Variants in AGAP2 observed in about 807,000 individuals in gnomAD.
AGAP2 encodes arf-GAP with GTPase, ANK repeat and PH domain-containing protein 2.
AGAP2 carries 32 observed loss-of-function variants against 110.9 expected under a neutral mutation model. That is an observed-to-expected ratio of 0.29 (90% confidence interval 0.22 to 0.39). The LOEUF is 0.39. Ranked by LOEUF, AGAP2 falls within the 10% of genes least tolerant of loss-of-function variation. The pLI is 1.00. For missense variants in AGAP2, 1,285 were observed against 1,638.5 expected (o/e 0.78, Z 3.72); for synonymous variants, 702 against 713.0 (o/e 0.98, Z 0.25).
Position 57,725,307 on chromosome 12 carries a change from T to C in AGAP2, c.*1245A>G, listed in dbSNP as rs1954742094. ...CCCCCACCTCTCTCCCCTCCCCAAT[T>C]ACCTGGTCCTTTGCAAACTATTTTA... On this transcript the variant is annotated 3_prime_UTR_variant, in exon 19 of 19. Transcript: ENST00000547588. 7.4e-6 allele frequency: 1 copy of C among 134,230 alleles called. No homozygotes were observed. The allele number at this position is 134,230 out of a possible 1,614,324, so 8.3% of individuals were successfully genotyped here. A position where few individuals can be genotyped will look rare whatever the true frequency, so the allele number is the denominator to read the frequency against.
At chr12:57,729,183 A>AAAAAAAAAAAGAAAAG (rs914507084) in intron 13 of AGAP2, among the ~76,000 whole-genome samples, 1 of 151,142 alleles carries the variant, frequency 6.6e-6, no homozygotes. Context: ...CTCAAAAAAA[A>AAAAAAAAAAAGAAAAG]AAAAAAAAAA....
At chr12:57,734,710 G>A (rs1276610941) in intron 2 of AGAP2, 31 bp from the exon 3 acceptor site, 2 of 1,607,580 alleles carry the variant, frequency 1.2e-6, no homozygotes, top group Non-Finnish European at 1.7e-6. Context: ...CAGAAATTGT[G>A]GGATATAAGA....
At position 57,738,510 on chromosome 12, in the gene AGAP2, C is replaced by T. The variant is rs904752080; in HGVS notation, c.-264G>A. Among the ~76,000 whole-genome samples, 1 of 151,854 alleles carries T rather than the reference C, an allele frequency of 6.6e-6. No individual in the cohort carries two copies. Among genetic ancestry groups the T allele is most frequent in the African/African-American group, 2.4e-5 (1 of 41,378 alleles). Reference sequence around the variant, plus strand: ...ACCTTGGTGCTGCTCCAGGGAGGCGCGCCGGACCGTCCACCCCGGCCTGGG... The same window carrying T: ...ACCTTGGTGCTGCTCCAGGGAGGCGTGCCGGACCGTCCACCCCGGCCTGGG... On this transcript the variant is annotated 5_prime_UTR_variant, in exon 1 of 19. Coordinates refer to ENST00000547588, the MANE Select transcript of AGAP2 (RefSeq NM_001122772.3). This position sits in a 1 kb window ranked among gnomAD's most constrained non-coding sequence, Gnocchi z 6.7.
downstream of AGAP2, chr12:57,724,172 C>T (rs1193591938): frequency 2.0e-5 from 3 of 152,270 alleles, no homozygotes; most frequent in Non-Finnish European, 4.4e-5. Flanking sequence ...GAGCCGCAGC[C>T]TCCATGTGAA....
intron 11 of AGAP2, 70 bp downstream of exon 11, chr12:57,730,721 C>G (rs1954869079): frequency 6.2e-7 from 1 of 1,609,474 alleles, no homozygotes; most frequent in Admixed American, 1.7e-5. Flanking sequence ...CCAGCCCCCT[C>G]TTCCCTCTTA....
Position 57,727,480 on chromosome 12 carries a change from T to A in AGAP2, c.2960A>T (p.Asp987Val). Residue 987 changes from aspartate (D) to valine (V), a missense_variant, in exon 17 of 19, where the codon GAC becomes GTC. Asp to Val is a radical substitution (Grantham distance 152). Coordinates refer to ENST00000547588, the MANE Select transcript of AGAP2 (RefSeq NM_001122772.3). ...CAGCTCCCGTGGCCAGTCGTCCAAG[T>A]CCAGCGAGCGAACGCGGGACAGGTG... ...GTHLSRVRSL[D>V]LDDWPRELTL... is the part of the protein sequence containing the mutation. The A allele has an allele frequency of 6.2e-7, 1 of 1,609,968 alleles. No individual in the cohort carries two copies. The highest frequency in any genetic ancestry group is 8.5e-7 in the Non-Finnish European group (1 of 1,178,584).
In AGAP2 at chr12:57,729,189, A is replaced by G. The variant is rs535482234; in HGVS notation, c.2557+450T>C. ...AGACTCCATCTCAAAAAAAAAAAAA[A>G]AAAAGAAAAGAAAAAAAAAAGAAAG... On this transcript the variant is annotated intron_variant, in intron 13 of 18. Coordinates refer to ENST00000547588, the MANE Select transcript of AGAP2 (RefSeq NM_001122772.3). Among the ~76,000 whole-genome samples the G allele has an allele frequency of 2.0e-3, 309 of 151,242 alleles. 1 individual carries two copies. Among genetic ancestry groups the G allele is most frequent in the African/African-American group, 6.8e-3 (282 of 41,346 alleles).
upstream of AGAP2, among the ~76,000 whole-genome samples, chr12:57,739,377 C>G (rs1250429977): frequency 6.6e-6 from 1 of 152,170 alleles, no homozygotes; most frequent in East Asian, 1.9e-4. Flanking sequence ...TTCCCACTCA[C>G]ACCACCACAT....
In AGAP2 at chr12:57,738,339, C is replaced by T; in HGVS notation, c.-93G>A. On this transcript the variant is annotated 5_prime_UTR_variant, in exon 1 of 19. An upstream open reading frame in the 5' UTR gains an earlier in-frame stop. Coordinates refer to ENST00000547588, the MANE Select transcript of AGAP2 (RefSeq NM_001122772.3). This position sits in a 1 kb window ranked among gnomAD's most constrained non-coding sequence, Gnocchi z 6.7. ...CATGGGGCCGCCCTGCTCGCTGCCC[C>T]CAGCCCCCGGACCCCGCTGAGCCCC... The T allele has an allele frequency of 1.5e-6, 2 of 1,312,126 alleles. No homozygotes were observed. Among genetic ancestry groups the T allele is most frequent in the Non-Finnish European group, 1.9e-6 (2 of 1,032,460 alleles). 81.3% of individuals were successfully genotyped at this position (1,312,126 alleles called of 1,614,324 possible).
rs1222122479 is a variant in AGAP2 at position 57,738,385 on chromosome 12, C to T, written c.-139G>A. 4.8e-6 allele frequency: 5 copies of T among 1,042,412 alleles called. No individual in the cohort carries two copies. The highest frequency in any genetic ancestry group is 4.9e-6 in the Non-Finnish European group (4 of 823,538). The allele number at this position is 1,042,412 out of a possible 1,614,324, so 64.6% of individuals were successfully genotyped here. A position where few individuals can be genotyped will look rare whatever the true frequency, so the allele number is the denominator to read the frequency against. ...GCCCCCGGCCCGGCTCCGCTGTCGCCGCCGCCTCCGCCGCCTCCGCTTGCG... is the reference window on the plus strand; with the variant it reads ...GCCCCCGGCCCGGCTCCGCTGTCGCTGCCGCCTCCGCCGCCTCCGCTTGCG... On this transcript the variant is annotated 5_prime_UTR_variant, in exon 1 of 19. Transcript: ENST00000547588. This position sits in a 1 kb window ranked among gnomAD's most constrained non-coding sequence, Gnocchi z 6.7.
chr12:57,726,561 C>T lies in AGAP2; in HGVS notation c.3570G>A (p.Ala1190=), dbSNP rs1954766001. Residue 1190 remains alanine (A), a synonymous_variant, in exon 19 of 19, where the codon GCG becomes GCA. Coordinates refer to ENST00000547588, the MANE Select transcript of AGAP2 (RefSeq NM_001122772.3). This position sits in a 1 kb window ranked among gnomAD's most constrained non-coding sequence, Gnocchi z 5.7. ...CTCTCCCGCTGGGCAACTATACCAG[C>T]GCAACCGGGGCGTCGGCGCGGCCCA... The part of the protein sequence containing the change: ...ASVGRADAPV[A]LV 10 of 1,211,976 alleles carry T rather than the reference C, an allele frequency of 8.3e-6. No individual in the cohort carries two copies. Among genetic ancestry groups the T allele is most frequent in the Non-Finnish European group, 1.0e-5 (10 of 974,028 alleles). The allele number at this position is 1,211,976 out of a possible 1,614,324, so 75.1% of individuals were successfully genotyped here.
rs1367248936 is a variant in AGAP2, at chr12:57,729,757, T to C, written c.2439A>G (p.Pro813=). ...GACTCAGGGGGCTCAGGTCTCCAGA[T>C]GGGGTACAGTCTTAGGGAGGAAGAC... ...LARALSTDCT[P]SGDLSPLSRE... The change falls in exon 13 of 19, where the codon CCA becomes CCG. Residue 813 remains proline, a synonymous_variant. Coordinates refer to ENST00000547588, the MANE Select transcript of AGAP2 (RefSeq NM_001122772.3). 1.2e-6 allele frequency: 2 copies of C among 1,612,640 alleles called. No individual in the cohort carries two copies. The highest frequency in any genetic ancestry group is 3.3e-5 in the Admixed American group (2 of 59,878).
downstream of AGAP2, chr12:57,724,164 G>A (rs1354311697): frequency 6.6e-6 from 1 of 152,284 alleles, no homozygotes; most frequent in South Asian, 2.1e-4. Context: ...ACCCTGTAGA[G>A]CCGCAGCCTC....
upstream of AGAP2, among the ~76,000 whole-genome samples, chr12:57,740,285 A>G (rs1023530884): frequency 7.2e-5 from 11 of 151,918 alleles, no homozygotes; most frequent in Non-Finnish European, 1.0e-4. Flanking sequence ...AATCCCTCCA[A>G]TGTTCTGTCC....
intron 1 of AGAP2, among the ~76,000 whole-genome samples, chr12:57,736,528 C>T (rs1436842503): frequency 2.6e-5 from 4 of 151,236 alleles, no homozygotes; most frequent in South Asian, 2.1e-4. Context: ...ATATTCTGCA[C>T]GTTCCAGCCC....
In AGAP2 at chr12:57,737,687, G is replaced by C; in HGVS notation, c.560C>G (p.Pro187Arg). The C allele has an allele frequency of 1.3e-6, 2 of 1,549,096 alleles. No homozygotes were observed. The highest frequency in any genetic ancestry group is 2.4e-5 in the South Asian group (2 of 84,260). ...RLKVAPPPPA[P>R]KPCKTVTTSG... ...CGTGGTCACGGTCTTGCAAGGCTTG[G>C]GAGCCGGCGGAGGAGGCGCCACCTT... is the stretch of plus-strand genomic sequence containing the variant. Residue 187 changes from proline (P) to arginine (R), a missense_variant, in exon 1 of 19, where the codon CCC becomes CGC. Around this residue, in one of 7 missense-constraint regions of AGAP2, gnomAD observed 844 missense variants for 941.2 expected, o/e 0.90. Transcript: ENST00000547588. This position sits in a 1 kb window ranked among gnomAD's most constrained non-coding sequence, Gnocchi z 5.9.
intron 4 of AGAP2, 31 bp from the exon 5 acceptor site, chr12:57,734,204 T>A: frequency 6.2e-7 from 1 of 1,604,094 alleles, no homozygotes; most frequent in Non-Finnish European, 8.5e-7. Flanking sequence ...AAATGGAAAG[T>A]CAGACAGGTC....
In AGAP2 at chr12:57,731,650, G is replaced by C. The variant is rs765956158; in HGVS notation, c.1954-8C>G. ...GTCACTACCCCGACGATTCTGGAAT[G>C]GTTATTGGAATCAGTTTGAGGATGG... On this transcript the variant is annotated splice_region_variant and splice_polypyrimidine_tract_variant and intron_variant, in intron 8 of 18. Transcript: ENST00000547588. 26 of 1,614,094 alleles carry C rather than the reference G, an allele frequency of 1.6e-5. No individual in the cohort carries two copies. Among genetic ancestry groups the C allele is most frequent in the Non-Finnish European group, 2.2e-5 (26 of 1,180,010 alleles).
intron 1 of AGAP2, among the ~76,000 whole-genome samples, chr12:57,736,140 G>A (rs1954977609): frequency 6.6e-6 from 1 of 151,320 alleles, no homozygotes; most frequent in Admixed American, 6.6e-5. Flanking sequence ...GGACGTTCCC[G>A]GGGCGCCGCA....
Sources: gnomAD v4.1 joint callset for allele counts (sites outside exome capture counted in the v4.1 genomes callset) on GRCh38, gnomAD v4.1.1 for gene constraint, gnomAD v4.1.1 regional missense constraint, Gnocchi (gnomAD v3.1) non-coding constraint, MANE v1.5 for transcripts, NCBI Gene and HGNC (gene_info 2026-07-23, HGNC 2026-07-21) for gene names.